The following TLL1 variants were observed in gnomAD, a reference collection of about 807,000 sequenced individuals.
The protein encoded by TLL1 is tolloid like 1.
Under a neutral mutation model 128.2 loss-of-function variants are expected in TLL1, and 49 were observed. The ratio of observed to expected loss-of-function variants is 0.38; its 90% CI spans 0.30 to 0.48. TLL1 has a LOEUF of 0.48. Ranked by LOEUF, TLL1 falls within the 20% of genes least tolerant of loss-of-function variation. The probability of loss-of-function intolerance (pLI) is 0.96; values close to 1 mark genes in which losing one functional copy is unlikely to be tolerated. For synonymous variants in TLL1, 454 were observed against 418.8 expected (o/e 1.08, Z -1.03); for missense variants, 1,123 against 1,242.0 (o/e 0.90, Z 1.44).
chr4:166,071,864 C>G (rs997654730), intron 16 of TLL1, among the ~76,000 whole-genome samples: 7 of 151,964 alleles, frequency 4.6e-5, no homozygotes, highest in African/African-American at 1.7e-4. Context: ...TTAGAATAGT[C>G]TATTAACTCC....
At chr4:166,043,685 T>G (rs1739335094) in intron 12 of TLL1, among the ~76,000 whole-genome samples, 1 of 152,220 alleles carries the variant, frequency 6.6e-6, no homozygotes, top group African/African-American at 2.4e-5. Flanking sequence ...GACAATAGTT[T>G]CTTTTGACAA....
At chr4:166,029,010 T>C (rs1177208209) in intron 9 of TLL1, among the ~76,000 whole-genome samples, 2 of 152,020 alleles carry the variant, frequency 1.3e-5, no homozygotes, top group Admixed American at 6.6e-5. Context: ...TTATTTTTCG[T>C]TTAACCCATG....
chr4:166,101,070 A>C lies in TLL1; in HGVS notation c.*194A>C. ...CTCATCAGCATTACAAGGATATTTGAACTCCATGCTTGATGGTATTAATAA... is the reference window on the plus strand; with the variant it reads ...CTCATCAGCATTACAAGGATATTTGCACTCCATGCTTGATGGTATTAATAA... On this transcript the variant is annotated 3_prime_UTR_variant, in exon 21 of 21. Transcript: ENST00000061240. 1.6e-6 allele frequency: 1 copy of C among 623,762 alleles called. No individual in the cohort carries two copies. Among genetic ancestry groups the C allele is most frequent in the Non-Finnish European group, 2.7e-6 (1 of 369,938 alleles). 38.6% of individuals were successfully genotyped at this position (623,762 alleles called of 1,614,324 possible).
At chr4:166,013,403 G>T (rs1296359989) in intron 7 of TLL1, among the ~76,000 whole-genome samples, 2 of 151,836 alleles carry the variant, frequency 1.3e-5, no homozygotes, top group East Asian at 3.9e-4. Flanking sequence ...AGCTGAAAAT[G>T]CTGTTCTTTT....
intron 1 of TLL1, among the ~76,000 whole-genome samples, chr4:165,914,500 T>C (rs1443483386): frequency 1.3e-5 from 2 of 152,228 alleles, no homozygotes; most frequent in East Asian, 3.9e-4. Flanking sequence ...AGCATGGATA[T>C]TGACAATGTC....
intron 3 of TLL1, among the ~76,000 whole-genome samples, chr4:165,993,695 A>G (rs1291367877): frequency 6.6e-6 from 1 of 152,122 alleles, no homozygotes; most frequent in African/African-American, 2.4e-5. Flanking sequence ...AAAAACAGCA[A>G]CAAAAATATT....
intron 1 of TLL1, among the ~76,000 whole-genome samples, chr4:165,907,888 A>T (rs1201951252): frequency 6.6e-6 from 1 of 152,154 alleles, no homozygotes; most frequent in African/African-American, 2.4e-5. Flanking sequence ...GCAGCATTCT[A>T]ATATTGAAAT....
intron 8 of TLL1, among the ~76,000 whole-genome samples, chr4:166,017,533 G>T (rs768494091): frequency 6.6e-6 from 1 of 152,008 alleles, no homozygotes; most frequent in Non-Finnish European, 1.5e-5. Flanking sequence ...CTCAATGGCT[G>T]GACTACTTTT....
At chr4:166,010,131 T>A (rs1486567319) in intron 7 of TLL1, among the ~76,000 whole-genome samples, 1 of 151,448 alleles carries the variant, frequency 6.6e-6, no homozygotes, top group Non-Finnish European at 1.5e-5. Flanking sequence ...GGTTGATCTA[T>A]GTTGTAGCAT....
chr4:165,921,845 T>G (rs1412442785), intron 1 of TLL1, among the ~76,000 whole-genome samples: 1 of 152,186 alleles, frequency 6.6e-6, no homozygotes, highest in Non-Finnish European at 1.5e-5. Flanking sequence ...AAAAAAAAGT[T>G]TAAACATTGC....
intron 12 of TLL1, among the ~76,000 whole-genome samples, chr4:166,045,051 G>A (rs1416657153): frequency 6.6e-6 from 1 of 152,180 alleles, no homozygotes; most frequent in Non-Finnish European, 1.5e-5. Context: ...CTGACACACA[G>A]TAGTTGCTTA....
chr4:165,971,917 G>A (rs894685435), intron 1 of TLL1, among the ~76,000 whole-genome samples: 5 of 152,088 alleles, frequency 3.3e-5, no homozygotes, highest in South Asian at 2.1e-4. Flanking sequence ...TTTTGTCAGT[G>A]ATCTGTTTTT....
At chr4:165,961,220 T>A (rs755765986) in intron 1 of TLL1, among the ~76,000 whole-genome samples, 1 of 152,052 alleles carries the variant, frequency 6.6e-6, no homozygotes, top group African/African-American at 2.4e-5. Context: ...CCCATTTACA[T>A]TAGCCACAGA....
chr4:165,904,741 T>C (rs1392657559), intron 1 of TLL1, among the ~76,000 whole-genome samples: 3 of 152,180 alleles, frequency 2.0e-5, no homozygotes, highest in Non-Finnish European at 1.5e-5. Context: ...TTTAAGAAAA[T>C]CTTTTCAATT....
At chr4:166,047,491 TATAATATATAATTA>T (rs1739515074) in intron 12 of TLL1, among the ~76,000 whole-genome samples, 1 of 146,808 alleles carries the variant, frequency 6.8e-6, no homozygotes, top group African/African-American at 2.5e-5. Flanking sequence ...TAGTAACTAA[TATAATATATAATTA>T]ATAATATATT....
At chr4:165,901,937 CCTGCCCAGAGAGGAGGAAT>C (rs1732011277) in intron 1 of TLL1, among the ~76,000 whole-genome samples, 1 of 152,144 alleles carries the variant, frequency 6.6e-6, no homozygotes, top group Non-Finnish European at 1.5e-5. Context: ...TCAGAGATGC[CCTGCCCAGAGAGGAGGAAT>C]CTAGAGAGGC....
At chr4:165,962,780 G>A (rs1262049884) in intron 1 of TLL1, among the ~76,000 whole-genome samples, 1 of 152,006 alleles carries the variant, frequency 6.6e-6, no homozygotes, top group African/African-American at 2.4e-5. Flanking sequence ...GCAGCTGGAG[G>A]CAATTATCCT....
At chr4:166,099,592 A>G in intron 20 of TLL1, 65 bp downstream of exon 20, 1 of 1,454,958 alleles carries the variant, frequency 6.9e-7, no homozygotes, top group Non-Finnish European at 9.5e-7. Flanking sequence ...CATGATTGAT[A>G]TGTGTACCAT....
chr4:166,095,268 AG>A (rs1332710149), intron 19 of TLL1, among the ~76,000 whole-genome samples: 3 of 152,138 alleles, frequency 2.0e-5, no homozygotes, highest in African/African-American at 4.8e-5. Flanking sequence ...GTCAAAAAAA[AG>A]TCCACGGAAA....
Sources: allele counts gnomAD v4.1 joint callset (sites outside exome capture counted in the v4.1 genomes callset), GRCh38; gene constraint gnomAD v4.1.1; transcripts MANE v1.5; gene names NCBI Gene and HGNC (gene_info 2026-07-23, HGNC 2026-07-21).